ADGRL3: variants seen among roughly 807,000 people sequenced by gnomAD.
The protein encoded by ADGRL3 is adhesion G protein-coupled receptor L3.
A neutral mutation model predicts 153.5 loss-of-function variants in ADGRL3; 62 were observed. That is an observed-to-expected ratio of 0.40 (90% confidence interval 0.33 to 0.50). The LOEUF (loss-of-function observed/expected upper bound fraction) is 0.50, where lower values mean the gene tolerates loss of function less well. ADGRL3 is among the 20% of genes least tolerant of loss of function. ADGRL3 has a pLI of 0.47. For synonymous variants in ADGRL3, 710 were observed against 672.5 expected (o/e 1.06, Z -0.86); for missense variants, 1,641 against 1,859.4 (o/e 0.88, Z 2.16).
rs58620707 is a variant in ADGRL3, at chr4:61,957,549, GTATTTATTTATT to G, written c.2805+9299_2805+9310del. 5.8e-3 allele frequency among the ~76,000 whole-genome samples: 844 copies of G among 144,450 alleles called. 9 individuals carry two copies. The highest frequency in any genetic ancestry group is 0.02 in the African/African-American group (798 of 39,750). 94.8% of individuals were successfully genotyped at this position (144,450 alleles called of 152,430 possible). ...TTTTTTCTCTCTTGGTTACATTTATGTATTTATTTATTTATTTATTTATTTATTTATTTATTT... is the reference window on the plus strand; with the variant it reads ...TTTTTTCTCTCTTGGTTACATTTATGTATTTATTTATTTATTTATTTATTT... On this transcript the variant is annotated intron_variant, in intron 17 of 26. Transcript: ENST00000683033.
chr4:61,281,168 G>T (rs989089961), intron 1 of ADGRL3, among the ~76,000 whole-genome samples: 1 of 139,518 alleles, frequency 7.2e-6, no homozygotes, highest in Non-Finnish European at 1.6e-5. Context: ...ACTATTTTCA[G>T]TTTTTTAAAA....
At chr4:61,229,559 A>T (rs561866884) in intron 1 of ADGRL3, among the ~76,000 whole-genome samples, 46 of 151,146 alleles carry the variant, frequency 3.0e-4, no homozygotes, top group Admixed American at 2.9e-3. Flanking sequence ...TTAATCCTGT[A>T]TTGGGTATCT....
intron 1 of ADGRL3, among the ~76,000 whole-genome samples, chr4:61,369,308 A>G (rs1417795076): frequency 6.6e-6 from 1 of 152,182 alleles, no homozygotes; most frequent in African/African-American, 2.4e-5. Flanking sequence ...GTCTTATGCC[A>G]GTTTTCAAAG....
At chr4:61,915,855 T>C (rs865781291) in intron 13 of ADGRL3, among the ~76,000 whole-genome samples, 4 of 152,164 alleles carry the variant, frequency 2.6e-5, no homozygotes, top group South Asian at 2.1e-4. Context: ...GAAATATGCT[T>C]GAAGTGCTTT....
At chr4:61,730,692 G>A (rs907893491) in intron 7 of ADGRL3, 56 bp downstream of exon 7, 8 of 422,384 alleles carry the variant, frequency 1.9e-5, no homozygotes, top group African/African-American at 1.6e-4. Flanking sequence ...TTATTTAACA[G>A]TTTAACATTT....
At chr4:61,428,120 A>C (rs1396106792) in intron 2 of ADGRL3, 1 of 152,722 alleles carries the variant, frequency 6.5e-6, no homozygotes. Context: ...ATCAGGTTCC[A>C]ACCTGAGCTG....
intron 4 of ADGRL3, among the ~76,000 whole-genome samples, chr4:61,586,092 A>C (rs1465476124): frequency 6.6e-6 from 1 of 152,066 alleles, no homozygotes; most frequent in African/African-American, 2.4e-5. Flanking sequence ...CAAAGCTTAA[A>C]GGAATTGATA....
chr4:61,481,882 A>G (rs1009825248), intron 2 of ADGRL3, among the ~76,000 whole-genome samples: 4 of 152,128 alleles, frequency 2.6e-5, no homozygotes, highest in African/African-American at 9.6e-5. Flanking sequence ...TTAGACTGTC[A>G]TTTCCATACA....
intron 2 of ADGRL3, among the ~76,000 whole-genome samples, chr4:61,391,981 T>G (rs1412924174): frequency 2.1e-5 from 3 of 144,666 alleles, no homozygotes; most frequent in Non-Finnish European, 4.5e-5. Context: ...TGCCTCAGCC[T>G]CCCGAGTAGC....
chr4:61,518,472 G>A (rs898158833), intron 4 of ADGRL3, among the ~76,000 whole-genome samples: 1 of 152,222 alleles, frequency 6.6e-6, no homozygotes, highest in African/African-American at 2.4e-5. Context: ...CCCCGTTGAA[G>A]AGTTCTCTGG....
At chr4:61,313,980 A>G (rs559938077) in intron 1 of ADGRL3, among the ~76,000 whole-genome samples, 92 of 152,134 alleles carry the variant, frequency 6.0e-4, no homozygotes, top group Middle Eastern at 3.2e-3. Context: ...GTTGAAGGAA[A>G]GTGGAGTACC....
At chr4:61,920,379 A>G (rs1052864522) in intron 13 of ADGRL3, among the ~76,000 whole-genome samples, 6 of 152,228 alleles carry the variant, frequency 3.9e-5, no homozygotes, top group African/African-American at 1.4e-4. Context: ...TCAGAAAAGC[A>G]ATGGAAATTT....
At chr4:61,333,309 T>C (rs540334944) in intron 1 of ADGRL3, among the ~76,000 whole-genome samples, 5 of 152,228 alleles carry the variant, frequency 3.3e-5, no homozygotes, top group East Asian at 1.9e-4. Flanking sequence ...GGGGACATTA[T>C]TGGAACTCTG....
At chr4:61,616,907 AG>A (rs1444207103) in intron 5 of ADGRL3, among the ~76,000 whole-genome samples, 2 of 152,050 alleles carry the variant, frequency 1.3e-5, no homozygotes, top group Admixed American at 1.3e-4. Context: ...CTTCTGCCTC[AG>A]CCTCCCAATT....
At chr4:61,979,482 C>G (rs1434299049) in intron 17 of ADGRL3, 81 bp from the exon 18 acceptor site, 19 of 1,090,454 alleles carry the variant, frequency 1.7e-5, no homozygotes, top group Non-Finnish European at 2.7e-5. Flanking sequence ...TACTATCATG[C>G]TTTGTGCATC....
rs10548703 is a variant in ADGRL3 at position 61,798,598 on chromosome 4, G to GTTTATTTA, written c.1400-15183_1400-15176dup. On this transcript the variant is annotated intron_variant, in intron 8 of 26. Transcript: ENST00000683033. Reference sequence around the variant, plus strand: ...GAAAGTAGGACTCATTTATTTGTTTGTTTATTTATTTATTTATTTATTTAT... The same window carrying GTTTATTTA: ...GAAAGTAGGACTCATTTATTTGTTTGTTTATTTATTTATTTATTTATTTATTTATTTAT... Among the ~76,000 whole-genome samples, 282 of 150,506 alleles carry GTTTATTTA rather than the reference G, an allele frequency of 1.9e-3. 3 individuals are homozygous for GTTTATTTA. The highest frequency in any genetic ancestry group is 4.2e-3 in the African/African-American group (170 of 40,770).
intron 8 of ADGRL3, among the ~76,000 whole-genome samples, chr4:61,795,563 T>G (rs1056459974): frequency 6.6e-6 from 1 of 152,204 alleles, no homozygotes; most frequent in Non-Finnish European, 1.5e-5. Flanking sequence ...GAGTATATAT[T>G]GTACAAGTTG....
chr4:61,395,255 C>G (rs1421809230), intron 2 of ADGRL3, among the ~76,000 whole-genome samples: 1 of 151,946 alleles, frequency 6.6e-6, no homozygotes, highest in Non-Finnish European at 1.5e-5. Context: ...ACACCAGTAT[C>G]AGTCAGTATT....
chr4:61,406,632 A>G (rs932836529), intron 2 of ADGRL3, among the ~76,000 whole-genome samples: 27 of 151,948 alleles, frequency 1.8e-4, no homozygotes, highest in African/African-American at 5.8e-4. Context: ...TTTATTAAAA[A>G]ATACTAGGAT....
Sources: allele counts gnomAD v4.1 joint callset (sites outside exome capture counted in the v4.1 genomes callset), GRCh38; gene constraint gnomAD v4.1.1; transcripts MANE v1.5; gene names NCBI Gene and HGNC (gene_info 2026-07-23, HGNC 2026-07-21).